HNRNPK: variants seen among roughly 807,000 people sequenced by gnomAD.
HNRNPK encodes heterogeneous nuclear ribonucleoprotein K.
Under a neutral mutation model 67.0 loss-of-function variants are expected in HNRNPK, and 7 were observed. That is an observed-to-expected ratio of 0.10 (90% CI 0.06 to 0.20). The LOEUF is 0.20. HNRNPK is among the 10% of genes least tolerant of loss of function. HNRNPK has a pLI of 1.00. For synonymous variants in HNRNPK, 213 were observed against 193.7 expected, an observed-to-expected ratio of 1.10 and a Z score of -0.83; for missense variants, 264 against 606.5, an observed-to-expected ratio of 0.44 and a Z score of 5.93.
chr9:83,969,412 A>C lies in HNRNPK; in HGVS notation c.1390T>G (p.Phe464Val). The C allele has an allele frequency of 6.3e-7, 1 of 1,589,144 alleles. No individual in the cohort carries two copies. The highest frequency in any genetic ancestry group is 8.6e-7 in the Non-Finnish European group (1 of 1,160,680). The change falls in exon 17 of 17, where the codon TTC becomes GTC. Residue 464 changes from phenylalanine (F) to valine (V), a missense_variant. Coordinates refer to ENST00000376263, the MANE Select transcript of HNRNPK (RefSeq NM_031263.4). Reference sequence around the variant, plus strand: ...AAAAGAAAAAATATCTTGCATTAGAATCCTTCAACATCTGCATACTGCTTC... The same window carrying C: ...AAAAGAAAAAATATCTTGCATTAGACTCCTTCAACATCTGCATACTGCTTC... ...SVKQYADVEG[F>V] is the part of the protein sequence containing the mutation.
chr9:83,978,414 G>T lies in HNRNPK; in HGVS notation c.-69C>A, dbSNP rs940258662. ...TTGCAGAGCAGAACTGAAGCGTTCT[G>T]GGTCGGACCAACAACTGACACCCCA... On this transcript the variant is annotated 5_prime_UTR_variant, in exon 2 of 17. Coordinates refer to ENST00000376263, the MANE Select transcript of HNRNPK (RefSeq NM_031263.4). 3.2e-5 allele frequency: 44 copies of T among 1,392,074 alleles called. No individual in the cohort carries two copies. Among genetic ancestry groups the T allele is most frequent in the Middle Eastern group, 2.7e-4 (1 of 3,746 alleles). The allele number at this position is 1,392,074 out of a possible 1,614,324, so 86.2% of individuals were successfully genotyped here.
chr9:83,977,754 G>C lies in HNRNPK; in HGVS notation c.91C>G (p.Gln31Glu). ...GTGTTTCTAGATCTTTTAAATGCTT[G>C]TTCCTCTTCCATATCTTCTGCAGGG... ...KRPAEDMEEE[Q>E]AFKRSRNTDE... Residue 31 changes from glutamine (Q) to glutamate (E), a missense_variant, in exon 4 of 17, where the codon CAA becomes GAA. By Grantham distance (29) the Gln-to-Glu change is conservative. Transcript: ENST00000376263. 6.2e-7 allele frequency: 1 copy of C among 1,608,778 alleles called. No individual in the cohort carries two copies. Among genetic ancestry groups the C allele is most frequent in the Non-Finnish European group, 8.5e-7 (1 of 1,175,912 alleles).
rs1554698878 is a variant in HNRNPK at position 83,971,976 on chromosome 9, G to C, written c.859C>G (p.Arg287Gly). 1 of 1,608,170 alleles carries C rather than the reference G, an allele frequency of 6.2e-7. No individual in the cohort carries two copies. The highest frequency in any genetic ancestry group is 8.5e-7 in the Non-Finnish European group (1 of 1,175,462). Reference sequence around the variant, plus strand: ...CCGGGAGGAGGGGGAGGTGGTCCTCGACGAGGGCTCATATCATCATAATCT... The same window carrying C: ...CCGGGAGGAGGGGGAGGTGGTCCTCCACGAGGGCTCATATCATCATAATCT... The part of the protein sequence containing the change: ...RRDYDDMSPR[R>G]GPPPPPPGRG... The change falls in exon 11 of 17, where the codon CGA becomes GGA. Residue 287 changes from arginine to glycine, a missense_variant. Physicochemically the swap from Arg to Gly is moderately radical, Grantham distance 125. Transcript: ENST00000376263.
chr9:83,971,943 C>T lies in HNRNPK; in HGVS notation c.892G>A (p.Gly298Ser), dbSNP rs760176912. ...TTCCGAGCTCTGCTACCACCCCGGC[C>T]GCCTCGTCCGGGAGGAGGGGGAGGT... ...GPPPPPPGRG[G>S]RGGSRARNLP... The change falls in exon 11 of 17, where the codon GGC becomes AGC. Residue 298 changes from glycine (G) to serine (S), a missense_variant. Coordinates refer to ENST00000376263, the MANE Select transcript of HNRNPK (RefSeq NM_031263.4). 46 of 1,594,566 alleles carry T rather than the reference C, an allele frequency of 2.9e-5. No individual in the cohort carries two copies. Among genetic ancestry groups the T allele is most frequent in the East Asian group, 6.7e-5 (3 of 44,542 alleles).
rs765696098 is a variant in HNRNPK at position 83,971,890 on chromosome 9, A to AGGT, written c.942_944dup (p.Pro315dup). 5 of 1,557,682 alleles carry AGGT rather than the reference A, an allele frequency of 3.2e-6. No homozygotes were observed. The highest frequency in any genetic ancestry group is 4.3e-6 in the Non-Finnish European group (5 of 1,153,444). On this transcript the variant is annotated inframe_insertion, in exon 11 of 17. Coordinates refer to ENST00000376263, the MANE Select transcript of HNRNPK (RefSeq NM_031263.4). The stretch of plus-strand genomic sequence containing the variant: ...CAAAAAAAACAACTTACCCCCCTCT[A>AGGT]GGTGGTGGTGGTGGAGGAAGAGGAA...
Position 83,976,789 on chromosome 9 carries a change from G to A in HNRNPK, c.213+206C>T, listed in dbSNP as rs192705. 0.67 allele frequency: 275,010 copies of A among 409,468 alleles called. 94,154 individuals carry two copies. The highest frequency in any genetic ancestry group is 0.82 in the African/African-American group (40,332 of 49,232). 25.4% of individuals were successfully genotyped at this position (409,468 alleles called of 1,614,324 possible). Reference sequence around the variant, plus strand: ...CTCTTATTAAAATGTGAAGAGGTTTGAAAGAAACCACCCCCCCACCCTGCT... The same window carrying A: ...CTCTTATTAAAATGTGAAGAGGTTTAAAAGAAACCACCCCCCCACCCTGCT... On this transcript the variant is annotated intron_variant, in intron 5 of 16. Transcript: ENST00000376263.
chr9:83,970,756 T>C lies in HNRNPK; in HGVS notation c.1172A>G (p.Gln391Arg). ...GDLGGPIITT[Q>R]VTIPKDLAGS... ...ACTTACATCTTTGGGAATAGTTACT[T>C]GTGTAGTAATAATAGGTCCACCAAG... Residue 391 changes from glutamine to arginine, a missense_variant, in exon 15 of 17, where the codon CAA (glutamine) becomes CGA (arginine). Physicochemically the swap from Gln to Arg is conservative, Grantham distance 43. Coordinates refer to ENST00000376263, the MANE Select transcript of HNRNPK (RefSeq NM_031263.4). 1 of 1,593,564 alleles carries C rather than the reference T, an allele frequency of 6.3e-7. No individual in the cohort carries two copies. Among genetic ancestry groups the C allele is most frequent in the Non-Finnish European group, 8.6e-7 (1 of 1,161,572 alleles).
At chr9:83,979,250 T>C (rs967177161) in intron 1 of HNRNPK, among the ~76,000 whole-genome samples, 1 of 152,162 alleles carries the variant, frequency 6.6e-6, no homozygotes, top group African/African-American at 2.4e-5. Context: ...CGAGGCACAT[T>C]TATGCCTCCC....
At chr9:83,974,073 A>T (rs896703824) in intron 7 of HNRNPK, 100 bp from the exon 8 acceptor site, 1 of 685,998 alleles carries the variant, frequency 1.5e-6, no homozygotes, top group East Asian at 2.9e-5. Flanking sequence ...TTAAATCTAT[A>T]TTATTAAATA....
chr9:83,970,621 T>A lies in HNRNPK; in HGVS notation c.1191+116A>T, dbSNP rs184361719. 373 of 762,888 alleles carry A rather than the reference T, an allele frequency of 4.9e-4. 1 individual carries two copies. In the African/African-American group the frequency reaches 6.2e-3, roughly 13 times the overall value. The allele number at this position is 762,888 out of a possible 1,614,324, so 47.3% of individuals were successfully genotyped here. ...CCCAGCTCACTAAAGCCCATTAACA[T>A]AACCTCAATCCTAAATGTGTATTTT... On this transcript the variant is annotated intron_variant, in intron 15 of 16. Coordinates refer to ENST00000376263, the MANE Select transcript of HNRNPK (RefSeq NM_031263.4).
In HNRNPK at chr9:83,980,158, G is replaced by C. The variant is rs1588447659; in HGVS notation, c.-113C>G. On this transcript the variant is annotated 5_prime_UTR_variant, in exon 1 of 17. Coordinates refer to ENST00000376263, the MANE Select transcript of HNRNPK (RefSeq NM_031263.4). ...CCCCCAACCCGGCTCCTCACCGCGC[G>C]AGACTGCCGTCCCTCCGCTGCCGCG... The C allele has an allele frequency of 6.6e-6, 1 of 152,396 alleles. No individual in the cohort carries two copies. The highest frequency in any genetic ancestry group is 2.4e-5 in the African/African-American group (1 of 41,444). 9.4% of individuals were successfully genotyped at this position (152,396 alleles called of 1,614,324 possible).
In HNRNPK at chr9:83,978,448, G is replaced by A; in HGVS notation, c.-103C>T. 1 of 1,133,106 alleles carries A rather than the reference G, an allele frequency of 8.8e-7. No individual in the cohort carries two copies. The highest frequency in any genetic ancestry group is 1.2e-6 in the Non-Finnish European group (1 of 860,886). The allele number at this position is 1,133,106 out of a possible 1,614,324, so 70.2% of individuals were successfully genotyped here. ...CAACAACTGACACCCCAGTGCTGCA[G>A]TAGCCTATAAGAACCAACACAAATC... On this transcript the variant is annotated 5_prime_UTR_variant, in exon 2 of 17. Transcript: ENST00000376263.
At chr9:83,972,439 T>TA (rs1956893396) in intron 10 of HNRNPK, among the ~76,000 whole-genome samples, 1 of 152,220 alleles carries the variant, frequency 6.6e-6, no homozygotes, top group South Asian at 2.1e-4. Context: ...AGCTTGCTCT[T>TA]ACACTTAGAT....
chr9:83,978,324 C>CA lies in HNRNPK; in HGVS notation c.-27-46dup, dbSNP rs1460326602. On this transcript the variant is annotated intron_variant, in intron 2 of 16. Coordinates refer to ENST00000376263, the MANE Select transcript of HNRNPK (RefSeq NM_031263.4). ...CTAGTACATTTGGCTTATTGGAAAG[C>CA]AAGCTGTAAAAAAAAAAAAAAAAAA... The CA allele has an allele frequency of 8.9e-6, 12 of 1,349,118 alleles. No individual in the cohort carries two copies. In the African/African-American group the frequency reaches 1.7e-4, roughly 19 times the overall value. 83.6% of individuals were successfully genotyped at this position (1,349,118 alleles called of 1,614,324 possible).
At chr9:83,977,306 T>C (rs1957113980) in intron 4 of HNRNPK, among the ~76,000 whole-genome samples, 5 of 152,216 alleles carry the variant, frequency 3.3e-5, no homozygotes, top group Admixed American at 3.3e-4. Flanking sequence ...AAGCACAGAT[T>C]TTATAGCACC....
chr9:83,970,601 C>T (rs1588411608), intron 15 of HNRNPK, 136 bp downstream of exon 15: 1 of 692,036 alleles, frequency 1.4e-6, no homozygotes, highest in East Asian at 2.7e-5. Flanking sequence ...GAAAACCCAG[C>T]TCACTAAAGC....
rs762577008 is a variant in HNRNPK at position 83,971,677 on chromosome 9, C to T, written c.1003G>A (p.Gly335Ser). The T allele has an allele frequency of 2.1e-5, 34 of 1,613,068 alleles. No homozygotes were observed. The highest frequency in any genetic ancestry group is 2.5e-5 in the Non-Finnish European group (30 of 1,179,148). ...TAATAAACCAAAGTTCTTACCATGCCGTCGTAACGGTCTCCAGGTCTCCCT... is the reference window on the plus strand; with the variant it reads ...TAATAAACCAAAGTTCTTACCATGCTGTCGTAACGGTCTCCAGGTCTCCCT... ...RRGRPGDRYD[G>S]MVGFSADETW... The change falls in exon 12 of 17, where the codon GGC becomes AGC. Residue 335 changes from glycine (G) to serine (S), a missense_variant. By Grantham distance (56) the Gly-to-Ser change is moderately conservative. Coordinates refer to ENST00000376263, the MANE Select transcript of HNRNPK (RefSeq NM_031263.4).
intron 9 of HNRNPK, 114 bp from the exon 10 acceptor site, chr9:83,973,086 C>CATTAA (rs1956926121): frequency 1.2e-6 from 1 of 809,246 alleles, no homozygotes; most frequent in Non-Finnish European, 1.9e-6. Context: ...ATAAAAACTT[C>CATTAA]ATTAATTATC....
At position 83,971,920 on chromosome 9, in the gene HNRNPK, C is replaced by G; in HGVS notation, c.915G>C (p.Arg305=). Residue 305 remains arginine, a synonymous_variant, in exon 11 of 17, where the codon CGG becomes CGC. Coordinates refer to ENST00000376263, the MANE Select transcript of HNRNPK (RefSeq NM_031263.4). ...GRGGRGGSRA[R]NLPLPPPPPP... is the part of the protein sequence containing the mutation. ...GTGGTGGTGGAGGAAGAGGAAGATT[C>G]CGAGCTCTGCTACCACCCCGGCCGC... The G allele has an allele frequency of 6.4e-7, 1 of 1,573,956 alleles. No individual in the cohort carries two copies. Among genetic ancestry groups the G allele is most frequent in the Non-Finnish European group, 8.6e-7 (1 of 1,159,590 alleles).
Sources: allele counts gnomAD v4.1 joint callset (sites outside exome capture counted in the v4.1 genomes callset), GRCh38; gene constraint gnomAD v4.1.1; transcripts MANE v1.5; gene names NCBI Gene and HGNC (gene_info 2026-07-23, HGNC 2026-07-21).